NCOA1: variants seen among roughly 807,000 people sequenced by gnomAD.
The protein encoded by NCOA1 is Hin-2 protein.
NCOA1 carries 35 observed loss-of-function variants against 150.9 expected under a neutral mutation model. That is an observed-to-expected ratio of 0.23 (90% CI 0.18 to 0.31). NCOA1 has a LOEUF of 0.31. NCOA1 is among the 10% of genes least tolerant of loss of function. The pLI, the probability that NCOA1 is intolerant of heterozygous loss-of-function variation, is 1.00. For synonymous variants in NCOA1, 590 were observed against 630.0 expected (o/e 0.94, Z 0.95); for missense variants, 1,491 against 1,749.3 (o/e 0.85, Z 2.63).
chr2:24,564,731 C>T (rs1293852495), intron 2 of NCOA1: 1 of 152,034 alleles, frequency 6.6e-6, no homozygotes, highest in African/African-American at 2.4e-5. Context: ...GGTGGTATGG[C>T]TGTAGACAAG....
chr2:24,659,566 A>G (rs1049678180), intron 5 of NCOA1, among the ~76,000 whole-genome samples: 1 of 152,170 alleles, frequency 6.6e-6, no homozygotes, highest in Non-Finnish European at 1.5e-5. Flanking sequence ...CACATTTGAA[A>G]AATATGTTTT....
chr2:24,615,305 C>G (rs988585970), intron 3 of NCOA1, among the ~76,000 whole-genome samples: 3 of 152,164 alleles, frequency 2.0e-5, no homozygotes, highest in Non-Finnish European at 4.4e-5. Flanking sequence ...TGCTCAACTG[C>G]TTGTTACTAG....
intron 1 of NCOA1, among the ~76,000 whole-genome samples, chr2:24,550,417 G>A (rs1221586803): frequency 6.6e-6 from 1 of 152,202 alleles, no homozygotes; most frequent in African/African-American, 2.4e-5. Flanking sequence ...TATGGCAGAA[G>A]GGGAGGAGGA....
At chr2:24,624,990 A>G (rs1009138151) in intron 3 of NCOA1, among the ~76,000 whole-genome samples, 3 of 152,220 alleles carry the variant, frequency 2.0e-5, no homozygotes, top group Admixed American at 6.5e-5. Context: ...AGCCATAGAC[A>G]GTAAGTCATA....
intron 6 of NCOA1, among the ~76,000 whole-genome samples, chr2:24,669,349 T>C (rs1437001438): frequency 6.6e-6 from 1 of 152,180 alleles, no homozygotes; most frequent in Non-Finnish European, 1.5e-5. Flanking sequence ...CCCTTGTCCA[T>C]GTCCCAGCTA....
intron 3 of NCOA1, among the ~76,000 whole-genome samples, chr2:24,590,013 C>G (rs1043906591): frequency 6.6e-6 from 1 of 152,146 alleles, no homozygotes; most frequent in African/African-American, 2.4e-5. Flanking sequence ...GATATCTGCT[C>G]TGTACTGTGG....
intron 3 of NCOA1, among the ~76,000 whole-genome samples, chr2:24,629,813 C>CATATATATAT (rs1356211925): frequency 0.011 from 825 of 77,102 alleles, 8 homozygotes; most frequent in Admixed American, 0.017. Context: ...AAGTAACATA[C>CATATATATAT]ATACATATAT....
intron 14 of NCOA1, among the ~76,000 whole-genome samples, chr2:24,718,802 G>C (rs1674196989): frequency 6.6e-6 from 1 of 150,698 alleles, no homozygotes; most frequent in South Asian, 2.1e-4. Flanking sequence ...CCGGGAGGCA[G>C]AGCTGGCAGT....
chr2:24,576,481 A>G (rs1405753280), intron 2 of NCOA1, among the ~76,000 whole-genome samples: 1 of 151,826 alleles, frequency 6.6e-6, no homozygotes, highest in Admixed American at 6.6e-5. Context: ...CAAATGTAGG[A>G]CTCACATCAT....
At chr2:24,633,493 A>C (rs892166221) in intron 3 of NCOA1, among the ~76,000 whole-genome samples, 4 of 152,130 alleles carry the variant, frequency 2.6e-5, no homozygotes, top group African/African-American at 9.7e-5. Flanking sequence ...ATTTCAAGAA[A>C]ATTTCTCATA....
chr2:24,652,531 G>A (rs1572545244), intron 4 of NCOA1, among the ~76,000 whole-genome samples: 2 of 152,070 alleles, frequency 1.3e-5, no homozygotes, highest in South Asian at 4.2e-4. Flanking sequence ...TAACTAATTG[G>A]CAGGGACTTT....
At chr2:24,635,366 C>T (rs1669896383) in intron 3 of NCOA1, among the ~76,000 whole-genome samples, 1 of 152,054 alleles carries the variant, frequency 6.6e-6, no homozygotes. Flanking sequence ...GCTTGACTGG[C>T]CATGAGTTCG....
intron 4 of NCOA1, among the ~76,000 whole-genome samples, chr2:24,646,699 CTTCT>C (rs1231417249): frequency 2.7e-5 from 4 of 147,194 alleles, no homozygotes; most frequent in East Asian, 2.0e-4. Flanking sequence ...TTTCTTTTTT[CTTCT>C]TTCTTTTTTT....
At chr2:24,657,450 A>G (rs1236118999) in intron 4 of NCOA1, among the ~76,000 whole-genome samples, 2 of 152,214 alleles carry the variant, frequency 1.3e-5, no homozygotes, top group Non-Finnish European at 2.9e-5. Context: ...AAAATTGTAA[A>G]ATTATGATCC....
chr2:24,615,124 G>A (rs1304423112), intron 3 of NCOA1, among the ~76,000 whole-genome samples: 2 of 152,196 alleles, frequency 1.3e-5, no homozygotes, highest in Non-Finnish European at 2.9e-5. Flanking sequence ...GTGATTCACA[G>A]AGTTAATTTT....
chr2:24,659,813 C>CA (rs1359833934), intron 5 of NCOA1, among the ~76,000 whole-genome samples: 1 of 152,078 alleles, frequency 6.6e-6, no homozygotes, highest in African/African-American at 2.4e-5. Context: ...TTCTACACAC[C>CA]AAATGTCAGT....
chr2:24,691,331 C>G, intron 8 of NCOA1, 150 bp from the exon 9 acceptor site: 1 of 606,650 alleles, frequency 1.6e-6, no homozygotes, highest in Non-Finnish European at 2.8e-6. Flanking sequence ...TATTCTATTG[C>G]CTCAGGATAA....
intron 12 of NCOA1, among the ~76,000 whole-genome samples, chr2:24,706,012 G>T (rs539960268): frequency 3.8e-4 from 58 of 151,100 alleles, no homozygotes; most frequent in Non-Finnish European, 7.2e-4. Context: ...TTTTCATATT[G>T]TGATTTCTCT....
chr2:24,507,724 T>C (rs957137328), intron 1 of NCOA1, among the ~76,000 whole-genome samples: 5 of 152,180 alleles, frequency 3.3e-5, no homozygotes, highest in African/African-American at 1.2e-4. Context: ...TACGTGGTCA[T>C]CATGACTTGT....
Sources: allele counts gnomAD v4.1 joint callset (sites outside exome capture counted in the v4.1 genomes callset), GRCh38; gene constraint gnomAD v4.1.1; transcripts MANE v1.5; gene names NCBI Gene and HGNC (gene_info 2026-07-23, HGNC 2026-07-21).